Variants in TXNDC12 observed in about 807,000 individuals in gnomAD.
TXNDC12 encodes the protein thioredoxin domain containing 12, also known as thioredoxin domain-containing protein 12.
A neutral mutation model predicts 24.2 loss-of-function variants in TXNDC12; 22 were observed. That is an observed-to-expected ratio of 0.91 (90% CI 0.65 to 1.30). TXNDC12 has a LOEUF of 1.30. Ranked by LOEUF, TXNDC12 falls within the 50% of genes most tolerant of loss-of-function variation. The pLI is 0.00. For missense variants in TXNDC12, 184 were observed against 205.8 expected (o/e 0.89, Z 0.65); for synonymous variants, 58 against 73.4 (o/e 0.79, Z 1.07).
intron 2 of TXNDC12, among the ~76,000 whole-genome samples, chr1:52,030,128 G>A (rs903843901): frequency 6.6e-6 from 1 of 152,038 alleles, no homozygotes; most frequent in African/African-American, 2.4e-5. Context: ...TCAGCACTTT[G>A]GGAGGCCGAG....
chr1:52,049,285 G>C (rs564558947), intron 1 of TXNDC12, among the ~76,000 whole-genome samples: 1 of 152,230 alleles, frequency 6.6e-6, no homozygotes, highest in African/African-American at 2.4e-5. Context: ...AATATCCCTA[G>C]AGTAAGTCTA....
intron 1 of TXNDC12, among the ~76,000 whole-genome samples, chr1:52,047,061 C>A (rs1686109650): frequency 6.6e-6 from 1 of 151,620 alleles, no homozygotes; most frequent in South Asian, 2.1e-4. Flanking sequence ...AAGAATTTTG[C>A]TGTACCAGGG....
Position 52,049,716 on chromosome 1 carries a change from T to C in TXNDC12, c.97+5284A>G, listed in dbSNP as rs1399880236. On this transcript the variant is annotated intron_variant, in intron 1 of 6. Transcript: ENST00000371626. Reference sequence around the variant, plus strand: ...ATTAAGCAATTGCATTTTTTTTTTTTTGGTAGAGATAGGATCTTGCTATGT... The same window carrying C: ...ATTAAGCAATTGCATTTTTTTTTTTCTGGTAGAGATAGGATCTTGCTATGT... Among the ~76,000 whole-genome samples, 3 of 152,230 alleles carry C rather than the reference T, an allele frequency of 2.0e-5. No individual in the cohort carries two copies. In the East Asian group the frequency reaches 5.8e-4, roughly 29 times the overall value.
rs1228286020 is a variant in TXNDC12, at chr1:52,020,759, T to G, written c.*174A>C. On this transcript the variant is annotated 3_prime_UTR_variant, in exon 7 of 7. Coordinates refer to ENST00000371626, the MANE Select transcript of TXNDC12 (RefSeq NM_015913.4). ...CCACTCTCCGCTGGATCCACAAACA[T>G]GCAGACCAGCTTCTGTTAGCAGAAC... 3 of 565,040 alleles carry G rather than the reference T, an allele frequency of 5.3e-6. No homozygotes were observed. Among genetic ancestry groups the G allele is most frequent in the Non-Finnish European group, 6.2e-6 (2 of 320,692 alleles). The allele number at this position is 565,040 out of a possible 1,614,324, so 35.0% of individuals were successfully genotyped here. A position where few individuals can be genotyped will look rare whatever the true frequency, so the allele number is the denominator to read the frequency against.
rs56219938 is a variant in TXNDC12, at chr1:52,039,088, C to CAAAAA, written c.158+2444_158+2448dup. ...GCCAGGCCAGAGCAAGACACCGTCTCAAAAAAAAAAAAAAAAAAAAGGGTT... is the reference window on the plus strand; with the variant it reads ...GCCAGGCCAGAGCAAGACACCGTCTCAAAAAAAAAAAAAAAAAAAAAAAAAGGGTT... On this transcript the variant is annotated intron_variant, in intron 2 of 6. Coordinates refer to ENST00000371626, the MANE Select transcript of TXNDC12 (RefSeq NM_015913.4). Among the ~76,000 whole-genome samples, 532 of 81,680 alleles carry CAAAAA rather than the reference C, an allele frequency of 6.5e-3. 28 individuals carry two copies. In the East Asian group the frequency reaches 0.094, roughly 14 times the overall value. The allele number at this position is 81,680 out of a possible 152,430, so 53.6% of individuals were successfully genotyped here.
intron 2 of TXNDC12, chr1:52,032,057 T>C (rs1372884983): frequency 1.2e-6 from 1 of 840,950 alleles, no homozygotes; most frequent in African/African-American, 1.8e-5. Context: ...ATACCTAAAA[T>C]GTTACATGAA....
chr1:52,052,901 A>G (rs999108173), intron 1 of TXNDC12, among the ~76,000 whole-genome samples: 1 of 152,278 alleles, frequency 6.6e-6, no homozygotes, highest in Admixed American at 6.6e-5. Context: ...TTTGAGAGTT[A>G]AGAAACTTGC....
At chr1:52,052,054 T>C (rs1183038465) in intron 1 of TXNDC12, among the ~76,000 whole-genome samples, 1 of 152,198 alleles carries the variant, frequency 6.6e-6, no homozygotes. Context: ...GCCTTTTGTT[T>C]TTTGATTGAA....
At chr1:52,024,716 T>A in intron 4 of TXNDC12, 137 bp from the exon 5 acceptor site, 3 of 633,654 alleles carry the variant, frequency 4.7e-6, no homozygotes, top group Non-Finnish European at 8.5e-6. Flanking sequence ...ATCTATCACC[T>A]AGGCACTTCT....
At chr1:52,046,866 AATATAT>A (rs869028968) in intron 1 of TXNDC12, among the ~76,000 whole-genome samples, 1,347 of 30,144 alleles carry the variant, frequency 0.045, 23 homozygotes, top group African/African-American at 0.059. Context: ...AAAAAAAAAA[AATATAT>A]ATATATATAT....
At chr1:52,026,938 A>G (rs1685679546) in intron 4 of TXNDC12, among the ~76,000 whole-genome samples, 1 of 151,996 alleles carries the variant, frequency 6.6e-6, no homozygotes, top group Non-Finnish European at 1.5e-5. Flanking sequence ...CGGGAGGCGG[A>G]GGCAGGAGAA....
At chr1:52,022,887 C>T (rs1388925992) in intron 6 of TXNDC12, among the ~76,000 whole-genome samples, 1 of 152,138 alleles carries the variant, frequency 6.6e-6, no homozygotes, top group African/African-American at 2.4e-5. Flanking sequence ...GATCCTCCCG[C>T]CTCGGCCTCC....
At chr1:52,025,305 G>A (rs1227436881) in intron 4 of TXNDC12, among the ~76,000 whole-genome samples, 1 of 151,256 alleles carries the variant, frequency 6.6e-6, no homozygotes, top group Admixed American at 6.6e-5. Flanking sequence ...TGCAAGCTCC[G>A]CCTCCTGGGT....
chr1:52,055,337 G>A, upstream of TXNDC12: 1 of 469,070 alleles, frequency 2.1e-6, no homozygotes, highest in Non-Finnish European at 3.9e-6. Context: ...GTTCTCGAGC[G>A]CGAGTTGCTT....
At chr1:52,022,755 C>T (rs1159376598) in intron 6 of TXNDC12, among the ~76,000 whole-genome samples, 6 of 151,726 alleles carry the variant, frequency 4.0e-5, no homozygotes, top group African/African-American at 9.7e-5. Flanking sequence ...ATTCTCCTGC[C>T]TCAGCCTCCC....
At chr1:52,023,107 C>T (rs1284396669) in intron 6 of TXNDC12, 7 of 173,472 alleles carry the variant, frequency 4.0e-5, no homozygotes, top group Non-Finnish European at 7.3e-5. Flanking sequence ...ATCTATAAAA[C>T]CTCTTAGACT....
chr1:52,031,252 C>G (rs918593374), intron 2 of TXNDC12, among the ~76,000 whole-genome samples: 7 of 151,440 alleles, frequency 4.6e-5, no homozygotes, highest in African/African-American at 7.3e-5. Context: ...CTCCGCCTCC[C>G]GGGTTCAAGC....
chr1:52,053,140 G>A (rs1348630469), intron 1 of TXNDC12, among the ~76,000 whole-genome samples: 1 of 151,496 alleles, frequency 6.6e-6, no homozygotes, highest in Non-Finnish European at 1.5e-5. Context: ...GCACATGCCT[G>A]TAGTCCCAGC....
intron 1 of TXNDC12, among the ~76,000 whole-genome samples, chr1:52,047,312 T>G (rs1169282071): frequency 1.3e-5 from 2 of 152,166 alleles, no homozygotes; most frequent in Non-Finnish European, 2.9e-5. Flanking sequence ...AAAGGCCTCT[T>G]CCGATTCCTT....
Sources: allele counts gnomAD v4.1 joint callset (sites outside exome capture counted in the v4.1 genomes callset), GRCh38; gene constraint gnomAD v4.1.1; transcripts MANE v1.5; gene names NCBI Gene and HGNC (gene_info 2026-07-23, HGNC 2026-07-21).